NLRP1: variants seen among roughly 807,000 people sequenced by gnomAD.
NLRP1 encodes NLR family pyrin domain containing 1.
In NLRP1, 94 loss-of-function variants were observed where a neutral mutation model predicts 136.7. The ratio of observed to expected loss-of-function variants is 0.69; its 90% confidence interval spans 0.58 to 0.82. The LOEUF is 0.82. Ranked by LOEUF, NLRP1 falls within the 40% of genes least tolerant of loss-of-function variation. NLRP1 has a pLI of 0.00. For synonymous variants in NLRP1, 690 were observed against 725.1 expected, an observed-to-expected ratio of 0.95 and a Z score of 0.78; for missense variants, 1,575 against 1,802.7, an observed-to-expected ratio of 0.87 and a Z score of 2.29.
chr17:5,553,870 T>A lies in NLRP1; in HGVS notation c.2358-314A>T, dbSNP rs1379708232. Among the ~76,000 whole-genome samples the A allele has an allele frequency of 3.4e-5, 5 of 147,378 alleles. No individual in the cohort carries two copies. In the East Asian group the frequency reaches 1.0e-3, roughly 30 times the overall value. On this transcript the variant is annotated intron_variant, in intron 4 of 16. Coordinates refer to ENST00000572272, the MANE Select transcript of NLRP1 (RefSeq NM_033004.4). ...AGACATTTGTCTTTTTTTTTTTTTT[T>A]TTAAATCTGCACTGCTCAGCATAGG... is the stretch of plus-strand genomic sequence containing the variant.
intron 8 of NLRP1, among the ~76,000 whole-genome samples, chr17:5,534,748 C>A (rs892952245): frequency 1.3e-5 from 2 of 152,150 alleles, no homozygotes; most frequent in Admixed American, 6.5e-5. Flanking sequence ...CTGCTGCAAC[C>A]CTGTAATGTC....
downstream of NLRP1, among the ~76,000 whole-genome samples, chr17:5,512,719 T>TA (rs11453180): frequency 0.82 from 124,197 of 152,134 alleles, 50,762 homozygotes; most frequent in East Asian, 0.97. Context: ...TTGACATTCT[T>TA]ATCATTTTTG....
At chr17:5,512,333 C>T (rs1907693238), downstream of NLRP1, 1 of 1,351,124 alleles carries the variant, frequency 7.4e-7, no homozygotes. Context: ...AGAGGCGGGT[C>T]TACTTTAGCC....
chr17:5,582,280 T>C (rs1905753799), intron 2 of NLRP1, among the ~76,000 whole-genome samples: 1 of 152,132 alleles, frequency 6.6e-6, no homozygotes, highest in Admixed American at 6.5e-5. Context: ...TAGCCTCTTC[T>C]TGGGGTCTGT....
intron 14 of NLRP1, among the ~76,000 whole-genome samples, chr17:5,519,398 G>A (rs984976754): frequency 2.7e-5 from 4 of 149,380 alleles, no homozygotes; most frequent in Non-Finnish European, 5.9e-5. Context: ...TGCCTGCCTT[G>A]AACTCCCATA....
At chr17:5,517,679 C>A in intron 15 of NLRP1, 67 bp downstream of exon 15, 1 of 1,582,162 alleles carries the variant, frequency 6.3e-7, no homozygotes, top group Non-Finnish European at 8.7e-7. Flanking sequence ...AGCCACTGTG[C>A]CCAGCTCCTT....
intron 3 of NLRP1, among the ~76,000 whole-genome samples, chr17:5,569,751 G>A (rs958187920): frequency 6.6e-6 from 1 of 152,082 alleles, no homozygotes; most frequent in Non-Finnish European, 1.5e-5. Flanking sequence ...ACCTAAATTC[G>A]ACACTTGACC....
chr17:5,509,019 C>A (rs1178970289), intron 15 of NLRP1, among the ~76,000 whole-genome samples: 1 of 152,214 alleles, frequency 6.6e-6, no homozygotes, highest in Admixed American at 6.5e-5. Flanking sequence ...CATGCCCACG[C>A]AGACAAAGGT....
chr17:5,562,600 A>G (rs184455787), intron 3 of NLRP1, among the ~76,000 whole-genome samples: 2 of 152,344 alleles, frequency 1.3e-5, no homozygotes, highest in Non-Finnish European at 2.9e-5. Context: ...GTACTGAAAC[A>G]TGAAGAACCA....
chr17:5,525,361 C>G (rs1279306432), intron 12 of NLRP1, among the ~76,000 whole-genome samples: 1 of 152,222 alleles, frequency 6.6e-6, no homozygotes, highest in Non-Finnish European at 1.5e-5. Flanking sequence ...AAGTGCTCCG[C>G]CAATGGAAGC....
At position 5,558,479 on chromosome 17, in the gene NLRP1, T is replaced by G. The variant is rs747159744; in HGVS notation, c.2217A>C (p.Glu739Asp). ...TFLTQVMAHFEEMGMCVETDM... is the reference protein window; with the variant it reads ...TFLTQVMAHFDEMGMCVETDM... ...CTGTTTCTACACACATGCCCATTTC[T>G]TCGAAATGGGCCATCACTTGTGTCA... The change falls in exon 4 of 17, where the codon GAA (glutamate) becomes GAC (aspartate). Residue 739 changes from glutamate (E) to aspartate (D), a missense_variant. Physicochemically the swap from Glu to Asp is conservative, Grantham distance 45 (BLOSUM62 2). Transcript: ENST00000572272. The G allele has an allele frequency of 8.7e-6, 14 of 1,614,028 alleles. No individual in the cohort carries two copies. The highest frequency in any genetic ancestry group is 7.6e-6 in the Non-Finnish European group (9 of 1,179,988).
chr17:5,545,547 GACACAC>G (rs1215729995), intron 5 of NLRP1, among the ~76,000 whole-genome samples: 1 of 147,640 alleles, frequency 6.8e-6, no homozygotes, highest in South Asian at 2.3e-4. Context: ...CACACACACA[GACACAC>G]ACAGACACAC....
In NLRP1 at chr17:5,517,395, T is replaced by A. The variant is rs537395022; in HGVS notation, c.4057+351A>T. Reference sequence around the variant, plus strand: ...CACAGACTTTCTTCCATTGACTTTTTCTTTTTTTTTGGATTGCAGTCTTGC... The same window carrying A: ...CACAGACTTTCTTCCATTGACTTTTACTTTTTTTTTGGATTGCAGTCTTGC... On this transcript the variant is annotated intron_variant, in intron 15 of 16. Coordinates refer to ENST00000572272, the MANE Select transcript of NLRP1 (RefSeq NM_033004.4). Among the ~76,000 whole-genome samples, 8 of 136,300 alleles carry A rather than the reference T, an allele frequency of 5.9e-5. No individual in the cohort carries two copies. The South Asian group carries it at 1.7e-3, about 30-fold the overall frequency. 89.4% of individuals were successfully genotyped at this position (136,300 alleles called of 152,430 possible). A position where few individuals can be genotyped will look rare whatever the true frequency, so the allele number is the denominator to read the frequency against.
rs200042020 is a variant in NLRP1, at chr17:5,539,575, A to T, written c.2710T>A (p.Cys904Ser). The T allele has an allele frequency of 1.1e-5, 17 of 1,609,786 alleles. No homozygotes were observed. Among genetic ancestry groups the T allele is most frequent in the Non-Finnish European group, 1.4e-5 (17 of 1,178,446 alleles). ...TGGCAGCAGTCAGACGTGAGGCCAC[A>T]GCTGACCAGCCTGCAGGAAAGATAC... ...CKLQRLQLVS[C>S]GLTSDCCQDL... The change falls in exon 7 of 17, where the codon TGT becomes AGT. Residue 904 changes from cysteine to serine, a missense_variant. Physicochemically the swap from Cys to Ser is moderately radical, Grantham distance 112. Transcript: ENST00000572272.
chr17:5,573,072 G>C (rs916102159), intron 3 of NLRP1, among the ~76,000 whole-genome samples: 28 of 152,188 alleles, frequency 1.8e-4, no homozygotes, highest in Non-Finnish European at 2.9e-4. Flanking sequence ...TCCTAGCCAA[G>C]GGAAGCTGTG....
intron 5 of NLRP1, among the ~76,000 whole-genome samples, chr17:5,545,589 T>C (rs1227727401): frequency 1.3e-5 from 2 of 152,124 alleles, no homozygotes; most frequent in Non-Finnish European, 2.9e-5. Flanking sequence ...TGTGGCATTG[T>C]AGAGCACTTG....
exon 16 of NLRP1, chr17:5,501,527 G>T (rs1907083177): frequency 6.4e-6 from 2 of 312,046 alleles, no homozygotes; most frequent in Non-Finnish European, 1.2e-5. Flanking sequence ...CCAAGGTCCA[G>T]AGATAATACA....
intron 7 of NLRP1, among the ~76,000 whole-genome samples, chr17:5,538,165 G>A (rs568764916): frequency 2.6e-5 from 4 of 152,298 alleles, no homozygotes; most frequent in South Asian, 2.1e-4. Context: ...GATGTGGCAG[G>A]GCCCCTGGCA....
intron 14 of NLRP1, 46 bp from the exon 15 acceptor site, chr17:5,517,933 G>A: frequency 1.2e-5 from 19 of 1,606,086 alleles, no homozygotes; most frequent in Non-Finnish European, 1.6e-5. Context: ...ATCTTGCATG[G>A]AAGGTCTTTC....
Sources: gnomAD v4.1 joint callset for allele counts (sites outside exome capture counted in the v4.1 genomes callset) on GRCh38, gnomAD v4.1.1 for gene constraint, MANE v1.5 for transcripts, NCBI Gene and HGNC (gene_info 2026-07-23, HGNC 2026-07-21) for gene names.